The following MAEA variants were observed in gnomAD, a reference collection of about 807,000 sequenced individuals.
MAEA encodes the protein macrophage erythroblast attacher, E3 ubiquitin ligase.
Under a neutral mutation model 46.2 loss-of-function variants are expected in MAEA, and 22 were observed. The observed-to-expected ratio is 0.48, with a 90% confidence interval of 0.34 to 0.68. The LOEUF (loss-of-function observed/expected upper bound fraction) is 0.68, where lower values mean the gene tolerates loss of function less well. Ranked by LOEUF, MAEA falls within the 30% of genes least tolerant of loss-of-function variation. The pLI is 0.01. For synonymous variants in MAEA, 246 were observed against 222.6 expected (o/e 1.11, Z -0.94); for missense variants, 393 against 558.1 (o/e 0.70, Z 2.98).
Position 1,325,393 on chromosome 4 carries a change from A to G in MAEA, c.580-2234A>G, listed in dbSNP as rs1738674260. 3.3e-5 allele frequency among the ~76,000 whole-genome samples: 5 copies of G among 152,240 alleles called. No homozygotes were observed. In the South Asian group the frequency reaches 6.2e-4, roughly 19 times the overall value. On this transcript the variant is annotated intron_variant, in intron 4 of 8. Coordinates refer to ENST00000303400, the MANE Select transcript of MAEA (RefSeq NM_001017405.3). The stretch of plus-strand genomic sequence containing the variant: ...GTTGGCGCTCCACGCCGTATGGGAC[A>G]GTGTAGACTCGGTGTTTTAGATTTG...
chr4:1,328,526 C>A, intron 5 of MAEA: 1 of 881,824 alleles, frequency 1.1e-6, no homozygotes, highest in Non-Finnish European at 1.5e-6. Flanking sequence ...GTGTGTGGGC[C>A]TGGCTGGCCC....
chr4:1,305,611 T>G (rs1389410343), intron 1 of MAEA, among the ~76,000 whole-genome samples: 1 of 151,768 alleles, frequency 6.6e-6, no homozygotes, highest in Non-Finnish European at 1.5e-5. Context: ...CCAGCAAGAG[T>G]CCAGGTATCC....
At position 1,315,402 on chromosome 4, in the gene MAEA, G is replaced by A; in HGVS notation, c.258G>A (p.Val86=). 1 of 1,613,848 alleles carries A rather than the reference G, an allele frequency of 6.2e-7. No homozygotes were observed. Among genetic ancestry groups the A allele is most frequent in the Non-Finnish European group, 8.5e-7 (1 of 1,179,978 alleles). Residue 86 remains valine, a synonymous_variant, in exon 3 of 9, where the codon GTG becomes GTA. Coordinates refer to ENST00000303400, the MANE Select transcript of MAEA (RefSeq NM_001017405.3). ...EKLSVLKRKA[V]ESIQAEDESA... ...CTCTGTTGTGTGTGGCTCAGGCGGTGGAATCCATCCAGGCCGAGGACGAGA... is the reference window on the plus strand; with the variant it reads ...CTCTGTTGTGTGTGGCTCAGGCGGTAGAATCCATCCAGGCCGAGGACGAGA...
At chr4:1,306,190 C>T (rs1363328166) in intron 1 of MAEA, among the ~76,000 whole-genome samples, 2 of 152,196 alleles carry the variant, frequency 1.3e-5, no homozygotes, top group Admixed American at 1.3e-4. Context: ...TGTTGGGGAA[C>T]CTGGCAGCGT....
At position 1,322,520 on chromosome 4, in the gene MAEA, G is replaced by T. The variant is rs747729243; in HGVS notation, c.579+17G>T. ...AAGATGAAGGTGCACGGACTCCCAGGTTGGGGTGGGAGTGGGTCGGGGCCG... is the reference window on the plus strand; with the variant it reads ...AAGATGAAGGTGCACGGACTCCCAGTTTGGGGTGGGAGTGGGTCGGGGCCG... On this transcript the variant is annotated intron_variant, in intron 4 of 8. Transcript: ENST00000303400. 1.2e-6 allele frequency: 2 copies of T among 1,613,088 alleles called. No individual in the cohort carries two copies. Among genetic ancestry groups the T allele is most frequent in the Non-Finnish European group, 1.7e-6 (2 of 1,179,704 alleles).
chr4:1,333,912 GTGCTCACCCCCA>G (rs1434850742), intron 6 of MAEA, among the ~76,000 whole-genome samples: 1 of 33,530 alleles, frequency 3.0e-5, no homozygotes, highest in African/African-American at 1.6e-4. Flanking sequence ...ATGCCCACCT[GTGCTCACCCCCA>G]TGCCCACTCC....
At chr4:1,302,101 C>T (rs1187859505) in intron 1 of MAEA, among the ~76,000 whole-genome samples, 1 of 151,946 alleles carries the variant, frequency 6.6e-6, no homozygotes, top group African/African-American at 2.4e-5. Flanking sequence ...AAATATTCAA[C>T]AAAATCTTAG....
intron 1 of MAEA, among the ~76,000 whole-genome samples, chr4:1,301,782 AGTGT>A (rs1735343878): frequency 6.6e-6 from 1 of 152,254 alleles, no homozygotes; most frequent in Admixed American, 6.5e-5. Flanking sequence ...GAAGGAAAAA[AGTGT>A]TAGGTTGAAT....
chr4:1,323,089 G>A (rs1738360680), intron 4 of MAEA, among the ~76,000 whole-genome samples: 2 of 151,466 alleles, frequency 1.3e-5, no homozygotes, highest in African/African-American at 4.9e-5. Context: ...TGGGATTATA[G>A]GCATGCGCCA....
At chr4:1,303,700 A>G (rs1311976613) in intron 1 of MAEA, among the ~76,000 whole-genome samples, 1 of 152,080 alleles carries the variant, frequency 6.6e-6, no homozygotes, top group African/African-American at 2.4e-5. Context: ...CTAGAAGTAG[A>G]GTGGTTTGTA....
At chr4:1,312,423 ATTTTTTT>A (rs34329974) in intron 2 of MAEA, 100 of 171,998 alleles carry the variant, frequency 5.8e-4, no homozygotes, top group South Asian at 2.9e-3. Context: ...AGGTTGATTG[ATTTTTTT>A]TTTTTTTTTT....
intron 4 of MAEA, among the ~76,000 whole-genome samples, chr4:1,325,732 C>A (rs1258074099): frequency 2.0e-5 from 3 of 151,980 alleles, no homozygotes; most frequent in Non-Finnish European, 2.9e-5. Flanking sequence ...CCTCTCCTGC[C>A]AGGCTGGCTC....
intron 1 of MAEA, among the ~76,000 whole-genome samples, chr4:1,303,761 G>A (rs1472858370): frequency 2.0e-5 from 3 of 152,016 alleles, no homozygotes; most frequent in Non-Finnish European, 4.4e-5. Flanking sequence ...TTAAAGGGGT[G>A]AATTTTACGG....
At chr4:1,327,987 G>C (rs540694710) in intron 5 of MAEA, among the ~76,000 whole-genome samples, 1 of 152,224 alleles carries the variant, frequency 6.6e-6, no homozygotes, top group African/African-American at 2.4e-5. Context: ...GGTCCCGACC[G>C]TCCACGTAAA....
chr4:1,323,554 C>T, intron 4 of MAEA: 4 of 702,550 alleles, frequency 5.7e-6, no homozygotes, highest in Non-Finnish European at 1.0e-5. Context: ...CTAGTAGCTC[C>T]CCTAAAGAGA....
intron 3 of MAEA, among the ~76,000 whole-genome samples, chr4:1,320,997 G>A (rs1738013540): frequency 6.6e-6 from 1 of 152,230 alleles, no homozygotes; most frequent in Non-Finnish European, 1.5e-5. Context: ...CTACCCGGGA[G>A]GCCAAGGCAG....
intron 1 of MAEA, chr4:1,309,718 C>A (rs959616397): frequency 2.6e-6 from 4 of 1,522,368 alleles, no homozygotes; most frequent in Non-Finnish European, 3.5e-6. Flanking sequence ...CCCCGGTGAG[C>A]CCCTCCCCGG....
chr4:1,310,588 AC>A (rs1736367364), intron 1 of MAEA, among the ~76,000 whole-genome samples: 1 of 152,196 alleles, frequency 6.6e-6, no homozygotes, highest in Admixed American at 6.5e-5. Context: ...TCATTTGCTC[AC>A]CAGCAAGGGT....
intron 8 of MAEA, 43 bp from the exon 9 acceptor site, chr4:1,339,031 T>C (rs1480687946): frequency 5.6e-6 from 8 of 1,420,762 alleles, no homozygotes; most frequent in South Asian, 1.1e-5. Context: ...CGTGTGTACG[T>C]TGTAGTCGCT....
Sources: gnomAD v4.1 joint callset for allele counts (sites outside exome capture counted in the v4.1 genomes callset) on GRCh38, gnomAD v4.1.1 for gene constraint, MANE v1.5 for transcripts, NCBI Gene and HGNC (gene_info 2026-07-23, HGNC 2026-07-21) for gene names.